Variants in CHEK1 observed in about 807,000 individuals in gnomAD.
CHEK1 encodes the protein serine/threonine-protein kinase Chk1.
Under a neutral mutation model 60.2 loss-of-function variants are expected in CHEK1, and 32 were observed. That is an observed-to-expected ratio of 0.53 (90% CI 0.40 to 0.71). The LOEUF (loss-of-function observed/expected upper bound fraction) is 0.71, where lower values mean the gene tolerates loss of function less well. Among genes scored for constraint, CHEK1 ranks in the 30% least tolerant of loss-of-function variants. The probability of loss-of-function intolerance (pLI) is 0.00; values close to 1 mark genes in which losing one functional copy is unlikely to be tolerated. For synonymous variants in CHEK1, 179 were observed against 187.2 expected (o/e 0.96, Z 0.36); for missense variants, 399 against 564.6 (o/e 0.71, Z 2.97).
At chr11:125,645,672 C>T (rs3731455) in intron 11 of CHEK1, among the ~76,000 whole-genome samples, 1 of 151,932 alleles carries the variant, frequency 6.6e-6, no homozygotes, top group Non-Finnish European at 1.5e-5. Flanking sequence ...TGCCCTTGTT[C>T]AAAGGAGAAC....
intron 6 of CHEK1, among the ~76,000 whole-genome samples, chr11:125,634,892 T>C (rs1284587410): frequency 2.0e-5 from 3 of 152,096 alleles, no homozygotes; most frequent in South Asian, 2.1e-4. Context: ...ACAACACTTA[T>C]CTCTCCTGTG....
chr11:125,636,114 T>C (rs1048418709), intron 7 of CHEK1: 3 of 152,184 alleles, frequency 2.0e-5, no homozygotes, highest in African/African-American at 7.2e-5. Context: ...CTGTCTGTTA[T>C]ACGTGTGGTC....
chr11:125,680,140 A>G (rs1157947653), downstream of CHEK1, among the ~76,000 whole-genome samples: 1 of 152,200 alleles, frequency 6.6e-6, no homozygotes, highest in Non-Finnish European at 1.5e-5. Context: ...TAGAAAATAC[A>G]TTGTTTTTTC....
Position 125,626,008 on chromosome 11 carries a change from GTC to G in CHEK1, c.-24_-23del. On this transcript the variant is annotated splice_region_variant and 5_prime_UTR_variant, in exon 1 of 13. Coordinates refer to ENST00000438015, the MANE Select transcript of CHEK1 (RefSeq NM_001114122.3). ...TTCCTGCAGTGGTGGGCAAAGGACA[GTC>G]CGGTGAGGAAGGGCGGCCGGTAGAG... 1.4e-6 allele frequency: 1 copy of G among 698,034 alleles called. No individual in the cohort carries two copies. The highest frequency in any genetic ancestry group is 2.6e-6 in the Non-Finnish European group (1 of 381,116). The allele number at this position is 698,034 out of a possible 1,614,324, so 43.2% of individuals were successfully genotyped here.
intron 13 of CHEK1, chr11:125,672,715 C>T: frequency 6.2e-7 from 1 of 1,614,030 alleles, no homozygotes; most frequent in Non-Finnish European, 8.5e-7. Flanking sequence ...TGGAGTTTTC[C>T]ACCTGAAAGG....
At chr11:125,664,897 T>A (rs2136081692) in intron 13 of CHEK1, among the ~76,000 whole-genome samples, 1 of 152,356 alleles carries the variant, frequency 6.6e-6, no homozygotes, top group South Asian at 2.1e-4. Context: ...CTAGTAGTTT[T>A]ATAGTTGCAG....
chr11:125,637,967 T>C (rs1193208107), intron 8 of CHEK1, among the ~76,000 whole-genome samples: 1 of 152,226 alleles, frequency 6.6e-6, no homozygotes, highest in Non-Finnish European at 1.5e-5. Flanking sequence ...GTGTTCATCA[T>C]TGTATCATCA....
At chr11:125,662,393 T>C (rs1207207074) in intron 13 of CHEK1, among the ~76,000 whole-genome samples, 2 of 152,234 alleles carry the variant, frequency 1.3e-5, no homozygotes, top group African/African-American at 2.4e-5. Flanking sequence ...AAAGTCCCCA[T>C]TTCCCAATAC....
intron 11 of CHEK1, among the ~76,000 whole-genome samples, chr11:125,646,119 T>C (rs1055271728): frequency 6.6e-6 from 1 of 152,202 alleles, no homozygotes; most frequent in African/African-American, 2.4e-5. Context: ...AACACCTCTG[T>C]ACCACCTAGA....
At chr11:125,633,067 C>T in intron 5 of CHEK1, 96 bp from the exon 6 acceptor site, 2 of 1,079,526 alleles carry the variant, frequency 1.9e-6, no homozygotes, top group South Asian at 3.5e-5. Flanking sequence ...CCTTAAGTAA[C>T]ACCAGTGATT....
chr11:125,626,838 GTTCTT>G lies in CHEK1; in HGVS notation c.65+8_65+12del. ...GGGAGAAGGTGCCTATGGAGAGTGA[GTTCTT>G]TTAAGCTTGCCTTCGTTTTCTGAGT... On this transcript the variant is annotated splice_donor_region_variant and intron_variant, in intron 2 of 12. Coordinates refer to ENST00000438015, the MANE Select transcript of CHEK1 (RefSeq NM_001114122.3). The G allele has an allele frequency of 6.2e-7, 1 of 1,614,110 alleles. No homozygotes were observed. The highest frequency in any genetic ancestry group is 8.5e-7 in the Non-Finnish European group (1 of 1,179,996).
In CHEK1 at chr11:125,635,482, GAAA is replaced by G; in HGVS notation, c.674_676del (p.Lys225del). The G allele has an allele frequency of 2.5e-6, 4 of 1,576,898 alleles. No homozygotes were observed. The highest frequency in any genetic ancestry group is 2.6e-6 in the Non-Finnish European group (3 of 1,157,602). On this transcript the variant is annotated inframe_deletion, in exon 7 of 13. Transcript: ENST00000438015. ...CTGTCAGGAGTATTCTGACTGGAAAGAAAAAAAAACATACCTCAACCCTTGGAA... is the reference window on the plus strand; with the variant it reads ...CTGTCAGGAGTATTCTGACTGGAAAGAAAAAACATACCTCAACCCTTGGAA...
In CHEK1 at chr11:125,625,731, A is replaced by C. The variant is rs749452196; in HGVS notation, c.-302A>C. On this transcript the variant is annotated 5_prime_UTR_variant, in exon 1 of 13. Transcript: ENST00000438015. ...CGAGCCTCACACCGGATGCCACTTC[A>C]TATTTGGGCCCAGAGCTCAATTCGC... 1.1e-5 allele frequency: 7 copies of C among 665,408 alleles called. No individual in the cohort carries two copies. Among genetic ancestry groups the C allele is most frequent in the African/African-American group, 8.8e-5 (5 of 56,632 alleles). 41.2% of individuals were successfully genotyped at this position (665,408 alleles called of 1,614,324 possible).
chr11:125,663,367 T>C (rs1761125981), intron 13 of CHEK1, among the ~76,000 whole-genome samples: 2 of 152,204 alleles, frequency 1.3e-5, no homozygotes, highest in Admixed American at 1.3e-4. Flanking sequence ...AAATTAATTT[T>C]CGTATAGGTG....
At chr11:125,676,263 G>C, downstream of CHEK1, 1 of 1,448,374 alleles carries the variant, frequency 6.9e-7, no homozygotes, top group South Asian at 1.2e-5. Flanking sequence ...CAAGTTCCTT[G>C]ATTCTTTCCT....
chr11:125,629,186 A>C, intron 3 of CHEK1, 46 bp from the exon 4 acceptor site: 1 of 1,573,214 alleles, frequency 6.4e-7, no homozygotes, highest in Non-Finnish European at 8.7e-7. Context: ...TGTGGTTGCT[A>C]CCTGATTATA....
chr11:125,626,225 A>G (rs760489035), intron 1 of CHEK1: 7 of 580,518 alleles, frequency 1.2e-5, no homozygotes, highest in Admixed American at 6.0e-5. Flanking sequence ...ACCCGCTGCT[A>G]GCTAAGAACC....
intron 11 of CHEK1, among the ~76,000 whole-genome samples, chr11:125,652,458 T>C (rs932914077): frequency 6.6e-6 from 1 of 152,204 alleles, no homozygotes; most frequent in African/African-American, 2.4e-5. Flanking sequence ...AATAATCTTG[T>C]TTTTCCTCCC....
intron 6 of CHEK1, among the ~76,000 whole-genome samples, chr11:125,634,386 A>G (rs1487161485): frequency 6.6e-6 from 1 of 151,870 alleles, no homozygotes; most frequent in Non-Finnish European, 1.5e-5. Flanking sequence ...CAGTGGCACA[A>G]TTCAAGGCTC....
Sources: allele counts gnomAD v4.1 joint callset (sites outside exome capture counted in the v4.1 genomes callset), GRCh38; gene constraint gnomAD v4.1.1; transcripts MANE v1.5; gene names NCBI Gene and HGNC (gene_info 2026-07-23, HGNC 2026-07-21).